Variants in SNTG1 observed in about 807,000 individuals in gnomAD.
SNTG1 encodes gamma-1-syntrophin.
In SNTG1, 39 loss-of-function variants were observed where a neutral mutation model predicts 74.7. The observed-to-expected ratio is 0.52, with a 90% CI of 0.40 to 0.68. The LOEUF (loss-of-function observed/expected upper bound fraction) is 0.68, where lower values mean the gene tolerates loss of function less well. SNTG1 is among the 30% of genes least tolerant of loss of function. The probability of loss-of-function intolerance (pLI) is 0.00; values close to 1 mark genes in which losing one functional copy is unlikely to be tolerated. For missense variants in SNTG1, 685 were observed against 609.5 expected, an observed-to-expected ratio of 1.12 and a Z score of -1.30; for synonymous variants, 254 against 217.1, an observed-to-expected ratio of 1.17 and a Z score of -1.49.
intron 17 of SNTG1, among the ~76,000 whole-genome samples, chr8:50,713,696 G>T (rs2095468128): frequency 6.6e-6 from 1 of 152,030 alleles, no homozygotes. Flanking sequence ...TTTTATATAA[G>T]GTATAAGGAA....
chr8:50,583,026 A>T (rs1018792623), intron 12 of SNTG1, among the ~76,000 whole-genome samples: 8 of 152,022 alleles, frequency 5.3e-5, no homozygotes, highest in Non-Finnish European at 1.2e-4. Flanking sequence ...TTATGTTCTT[A>T]AAAAAATAAG....
chr8:49,949,924 C>A (rs189896317), intron 1 of SNTG1, among the ~76,000 whole-genome samples: 6 of 152,158 alleles, frequency 3.9e-5, no homozygotes, highest in African/African-American at 1.4e-4. Context: ...CCTGGGAGTT[C>A]GAGACCAGCC....
intron 15 of SNTG1, among the ~76,000 whole-genome samples, chr8:50,695,603 T>C (rs925265367): frequency 1.1e-4 from 16 of 151,892 alleles, no homozygotes; most frequent in Admixed American, 3.3e-4. Flanking sequence ...TAGGTAAATT[T>C]TTAATCTTTA....
intron 17 of SNTG1, among the ~76,000 whole-genome samples, chr8:50,728,255 GGCCA>G (rs1221337896): frequency 5.9e-5 from 9 of 152,150 alleles, no homozygotes; most frequent in African/African-American, 1.9e-4. Flanking sequence ...TATACGAAGA[GGCCA>G]TTGAACTGTC....
intron 2 of SNTG1, among the ~76,000 whole-genome samples, chr8:50,266,270 C>T (rs6980672): frequency 0.33 from 49,949 of 151,748 alleles, 8,738 homozygotes; most frequent in African/African-American, 0.46. Context: ...ATTAAAATTC[C>T]GAAAAATAAG....
chr8:50,629,248 T>G (rs1462545617), intron 13 of SNTG1, among the ~76,000 whole-genome samples: 2 of 152,178 alleles, frequency 1.3e-5, no homozygotes, highest in Non-Finnish European at 2.9e-5. Context: ...ATTTCTTTAA[T>G]GTATACAATT....
chr8:50,520,905 A>T (rs1019123439), intron 9 of SNTG1, among the ~76,000 whole-genome samples: 1 of 152,202 alleles, frequency 6.6e-6, no homozygotes, highest in Non-Finnish European at 1.5e-5. Context: ...AATTTGACCC[A>T]GCAATCCTAT....
intron 1 of SNTG1, among the ~76,000 whole-genome samples, chr8:50,068,124 C>T (rs1050041327): frequency 1.3e-5 from 2 of 152,108 alleles, no homozygotes; most frequent in Non-Finnish European, 2.9e-5. Context: ...AGGAACAGAA[C>T]GCAATCAGTT....
intron 8 of SNTG1, among the ~76,000 whole-genome samples, chr8:50,467,840 T>C (rs2093621333): frequency 6.6e-6 from 1 of 151,890 alleles, no homozygotes; most frequent in Admixed American, 6.6e-5. Context: ...TATTTTCACT[T>C]TTATTGAGTT....
chr8:50,428,419 T>G (rs1444818970), intron 4 of SNTG1, among the ~76,000 whole-genome samples: 1 of 152,212 alleles, frequency 6.6e-6, no homozygotes, highest in Admixed American at 6.5e-5. Flanking sequence ...CTGACCTTGG[T>G]AAAGTTACTT....
At chr8:50,025,651 GA>G (rs1329254162) in intron 1 of SNTG1, among the ~76,000 whole-genome samples, 1 of 152,096 alleles carries the variant, frequency 6.6e-6, no homozygotes, top group Non-Finnish European at 1.5e-5. Context: ...GGCAATTCAA[GA>G]TTTCAAATGT....
intron 2 of SNTG1, among the ~76,000 whole-genome samples, chr8:50,374,136 CCA>C (rs2092327227): frequency 6.6e-6 from 1 of 152,198 alleles, no homozygotes; most frequent in Non-Finnish European, 1.5e-5. Context: ...TGGCATTCTG[CCA>C]CAATTTTCAC....
At chr8:50,211,198 A>G (rs2084506008) in intron 2 of SNTG1, among the ~76,000 whole-genome samples, 1 of 152,172 alleles carries the variant, frequency 6.6e-6, no homozygotes, top group African/African-American at 2.4e-5. Context: ...AAAGTACATA[A>G]CTTAGTGTAA....
intron 17 of SNTG1, among the ~76,000 whole-genome samples, chr8:50,717,009 T>C (rs1196897559): frequency 6.6e-6 from 1 of 152,160 alleles, no homozygotes; most frequent in Admixed American, 6.5e-5. Flanking sequence ...ATGCTGGGAT[T>C]ACAGGCGTGA....
At chr8:50,207,194 C>G (rs866635087) in intron 2 of SNTG1, among the ~76,000 whole-genome samples, 25 of 152,114 alleles carry the variant, frequency 1.6e-4, no homozygotes, top group African/African-American at 6.0e-4. Flanking sequence ...TCCCTCTGGT[C>G]CTGGACTTTT....
chr8:50,019,454 G>A (rs1816627039), intron 1 of SNTG1, among the ~76,000 whole-genome samples: 1 of 151,944 alleles, frequency 6.6e-6, no homozygotes, highest in African/African-American at 2.4e-5. Flanking sequence ...ATCCAAAGAA[G>A]CTCTTTTTAC....
At chr8:50,684,368 C>T (rs753539778) in intron 15 of SNTG1, among the ~76,000 whole-genome samples, 2 of 152,112 alleles carry the variant, frequency 1.3e-5, no homozygotes, top group Non-Finnish European at 2.9e-5. Flanking sequence ...TCTCACTAAG[C>T]AATTTTGAAA....
At chr8:50,263,024 A>G (rs952917676) in intron 2 of SNTG1, among the ~76,000 whole-genome samples, 1 of 152,150 alleles carries the variant, frequency 6.6e-6, no homozygotes, top group African/African-American at 2.4e-5. Context: ...TTAGCAGTCT[A>G]TTTTATAATG....
At chr8:50,658,260 TAA>T (rs67305616) in intron 14 of SNTG1, among the ~76,000 whole-genome samples, 31,792 of 150,010 alleles carry the variant, frequency 0.21, 3,648 homozygotes, top group African/African-American at 0.3. Context: ...AGTGGTAAAT[TAA>T]AAAAAAAATA....
Sources: allele counts gnomAD v4.1 joint callset (sites outside exome capture counted in the v4.1 genomes callset), GRCh38; gene constraint gnomAD v4.1.1; transcripts MANE v1.5; gene names NCBI Gene and HGNC (gene_info 2026-07-23, HGNC 2026-07-21).